Variants in EPHB4 observed in about 807,000 individuals in gnomAD.
EPHB4 encodes EPH receptor B4, also known as ephrin type-B receptor 4.
In EPHB4, 50 loss-of-function variants were observed where a neutral mutation model predicts 110.6. The observed-to-expected ratio is 0.45, with a 90% CI of 0.36 to 0.57. EPHB4 has a LOEUF of 0.57. Among genes scored for constraint, EPHB4 ranks in the 20% least tolerant of loss-of-function variants. The pLI is 0.00. For synonymous variants in EPHB4, 592 were observed against 578.4 expected (o/e 1.02, Z -0.34); for missense variants, 1,128 against 1,382.1 (o/e 0.82, Z 2.91).
chr7:100,822,491 C>A lies in EPHB4; in HGVS notation c.588G>T (p.Lys196Asn). 6.2e-7 allele frequency: 1 copy of A among 1,613,186 alleles called. No individual in the cohort carries two copies. The highest frequency in any genetic ancestry group is 1.7e-4 in the Middle Eastern group (1 of 6,060). ...ALLSLHLFYK[K>N]CAQLTVNLTR... ...TCAGGTTCACAGTCAGCTGGGCGCA[C>A]TTTTTGTAGAAGAGGTGCAGGGATA... Residue 196 changes from lysine (K) to asparagine (N), a missense_variant, in exon 4 of 17, where the codon AAG (lysine) becomes AAT (asparagine). Physicochemically the swap from Lys to Asn is moderately conservative, Grantham distance 94 (BLOSUM62 0). This residue lies in a region of EPHB4 where 728 missense variants were observed against 828.6 expected (regional missense o/e 0.88). Coordinates refer to ENST00000358173, the MANE Select transcript of EPHB4 (RefSeq NM_004444.5). This position sits in a 1 kb window ranked among gnomAD's most constrained non-coding sequence, Gnocchi z 4.7.
chr7:100,807,615 C>G, intron 12 of EPHB4, 35 bp from the exon 13 acceptor site: 1 of 1,587,928 alleles, frequency 6.3e-7, no homozygotes, highest in Non-Finnish European at 8.6e-7. Context: ...TTGGTGAGGA[C>G]AGCCCACCCA....
intron 16 of EPHB4, among the ~76,000 whole-genome samples, chr7:100,804,722 G>C (rs1389242939): frequency 5.3e-5 from 8 of 152,096 alleles, no homozygotes; most frequent in Non-Finnish European, 1.2e-4. Context: ...AGGCCAAGTG[G>C]GGATACGCAG....
rs141303000 is a variant in EPHB4, at chr7:100,811,422, C to T, written c.2118+1325G>A. ...TGATTTGTTTACTTTTTTAAAAAGC[C>T]TGTCTATTTACTTGCTAATTTTCAG... On this transcript the variant is annotated intron_variant, in intron 12 of 16. Transcript: ENST00000358173. Among the ~76,000 whole-genome samples the T allele has an allele frequency of 7.6e-3, 1,156 of 152,108 alleles. 16 individuals are homozygous for T. The highest frequency in any genetic ancestry group is 0.026 in the African/African-American group (1,077 of 41,502).
At chr7:100,814,253 G>T (rs3890144) in intron 8 of EPHB4, among the ~76,000 whole-genome samples, 4 of 152,142 alleles carry the variant, frequency 2.6e-5, no homozygotes, top group Non-Finnish European at 5.9e-5. Flanking sequence ...AGGAAGTTTC[G>T]AAATCTTTTC....
intron 6 of EPHB4, among the ~76,000 whole-genome samples, chr7:100,818,887 G>A (rs314366): frequency 0.38 from 57,406 of 151,680 alleles, 13,131 homozygotes; most frequent in Middle Eastern, 0.67. Context: ...GTAGACATGG[G>A]GTTTCACCAC....
chr7:100,805,986 G>C, intron 14 of EPHB4: 1 of 343,010 alleles, frequency 2.9e-6, no homozygotes, highest in Non-Finnish European at 5.2e-6. Context: ...TTAAGACAGA[G>C]TCTCGCTCAG....
At chr7:100,813,785 G>A (rs1562969681) in intron 9 of EPHB4, 69 bp from the exon 10 acceptor site, 1 of 1,609,234 alleles carries the variant, frequency 6.2e-7, no homozygotes, top group Non-Finnish European at 8.5e-7. Context: ...ACACACCAAA[G>A]GAAGGAGCAG....
At position 100,822,961 on chromosome 7, in the gene EPHB4, G is replaced by T. The variant is rs73413170; in HGVS notation, c.412-294C>A. On this transcript the variant is annotated intron_variant, in intron 3 of 16. Coordinates refer to ENST00000358173, the MANE Select transcript of EPHB4 (RefSeq NM_004444.5). This position sits in a 1 kb window ranked among gnomAD's most constrained non-coding sequence, Gnocchi z 4.7. ...CAGGCCTTGACCTCAGAGTCAAGGA[G>T]ACAGCGATGAATGAATCCTGGGGAA... Among the ~76,000 whole-genome samples the T allele has an allele frequency of 0.026, 3,946 of 152,206 alleles. 161 individuals are homozygous for T. The highest frequency in any genetic ancestry group is 0.089 in the African/African-American group (3,677 of 41,498).
At chr7:100,823,130 A>G (rs559412453) in intron 3 of EPHB4, among the ~76,000 whole-genome samples, 1 of 152,268 alleles carries the variant, frequency 6.6e-6, no homozygotes, top group East Asian at 1.9e-4. Flanking sequence ...AAAAATATAG[A>G]TATAAAAGAA....
chr7:100,826,907 C>A lies in EPHB4; in HGVS notation c.52+72G>T, dbSNP rs1584670392. The A allele has an allele frequency of 2.6e-6, 4 of 1,517,564 alleles. No individual in the cohort carries two copies. In the East Asian group the frequency reaches 7.7e-5, roughly 29 times the overall value. The allele number at this position is 1,517,564 out of a possible 1,614,324, so 94.0% of individuals were successfully genotyped here. A position where few individuals can be genotyped will look rare whatever the true frequency, so the allele number is the denominator to read the frequency against. ...GGGTAGTCAGAGGCCGGCCCCTCCA[C>A]TCCGAGGCCCAGATGTTGGGGGGGA... On this transcript the variant is annotated intron_variant, in intron 1 of 16. Transcript: ENST00000358173.
chr7:100,814,146 G>A (rs910662902), intron 8 of EPHB4, 125 bp from the exon 9 acceptor site: 2 of 1,031,074 alleles, frequency 1.9e-6, no homozygotes, highest in East Asian at 2.6e-5. Context: ...CAGGTGGAGG[G>A]AGAGGACACA....
In EPHB4 at chr7:100,827,066, T is replaced by C. The variant is rs1813425758; in HGVS notation, c.-36A>G. 5.1e-6 allele frequency: 8 copies of C among 1,558,356 alleles called. No individual in the cohort carries two copies. The highest frequency in any genetic ancestry group is 1.7e-4 in the Middle Eastern group (1 of 5,940). On this transcript the variant is annotated 5_prime_UTR_variant, in exon 1 of 17. Transcript: ENST00000358173. ...CACTCGGGTAGGATCCGAACTGAGTTTGGGGGGCCCTCGCCCCCCCAGGTC... is the reference window on the plus strand; with the variant it reads ...CACTCGGGTAGGATCCGAACTGAGTCTGGGGGGCCCTCGCCCCCCCAGGTC...
At chr7:100,823,955 A>G (rs1408190718) in intron 2 of EPHB4, 24 bp from the exon 3 acceptor site, 2 of 1,556,342 alleles carry the variant, frequency 1.3e-6, no homozygotes, top group Non-Finnish European at 1.7e-6. Flanking sequence ...GAGGTCAGCA[A>G]GGGGGCTGGG....
intron 1 of EPHB4, 28 bp downstream of exon 1, chr7:100,826,951 G>A: frequency 6.6e-7 from 1 of 1,521,262 alleles, no homozygotes; most frequent in South Asian, 1.2e-5. Flanking sequence ...GAGTGACGGG[G>A]TGCGCCCCCC....
At position 100,818,159 on chromosome 7, in the gene EPHB4, G is replaced by A. The variant is rs377300749; in HGVS notation, c.1422+361C>T. 5.1e-4 allele frequency among the ~76,000 whole-genome samples: 78 copies of A among 151,776 alleles called. 1 individual carries two copies. Among genetic ancestry groups the A allele is most frequent in the Middle Eastern group, 3.4e-3 (1 of 294 alleles). Reference sequence around the variant, plus strand: ...TGGGATTACAGGCGTAAGCTACCGCGCCCGGCCCATTTTAAGTTTTTTATA... The same window carrying A: ...TGGGATTACAGGCGTAAGCTACCGCACCCGGCCCATTTTAAGTTTTTTATA... On this transcript the variant is annotated intron_variant, in intron 7 of 16. Coordinates refer to ENST00000358173, the MANE Select transcript of EPHB4 (RefSeq NM_004444.5).
rs530459736 is a variant in EPHB4, at chr7:100,813,522, G to T, written c.1756+130C>A. On this transcript the variant is annotated intron_variant, in intron 10 of 16. Coordinates refer to ENST00000358173, the MANE Select transcript of EPHB4 (RefSeq NM_004444.5). ...ATAGAGATGGAGTTTCAACATGTTG[G>T]CCAGGCTGGTCTCGAACTCCTGACC... 4.3e-5 allele frequency: 40 copies of T among 932,686 alleles called. No individual in the cohort carries two copies. The African/African-American group carries it at 5.4e-4, about 13-fold the overall frequency. 57.8% of individuals were successfully genotyped at this position (932,686 alleles called of 1,614,324 possible).
At chr7:100,803,897 CCG>C (rs1812756349) in intron 16 of EPHB4, among the ~76,000 whole-genome samples, 2 of 151,838 alleles carry the variant, frequency 1.3e-5, no homozygotes, top group African/African-American at 2.4e-5. Flanking sequence ...GCACAGATTG[CCG>C]TAGAGGGAAA....
At chr7:100,807,873 TC>T (rs1812851105) in intron 12 of EPHB4, among the ~76,000 whole-genome samples, 1 of 151,920 alleles carries the variant, frequency 6.6e-6, no homozygotes, top group African/African-American at 2.4e-5. Flanking sequence ...AAGCGATCCT[TC>T]CGCCTGGGTC....
Position 100,817,519 on chromosome 7 carries a change from A to G in EPHB4, c.1423-162T>C, listed in dbSNP as rs139332430. Among the ~76,000 whole-genome samples the G allele has an allele frequency of 1.2e-4, 18 of 152,214 alleles. No homozygotes were observed. The East Asian group carries it at 2.1e-3, about 18-fold the overall frequency. ...ATGCAAGCCATGTGCTGTATTCATA[A>G]TATCATTCCTTTTTTTTAAGACAAG... On this transcript the variant is annotated intron_variant, in intron 7 of 16. Transcript: ENST00000358173.
Sources: allele counts gnomAD v4.1 joint callset (sites outside exome capture counted in the v4.1 genomes callset), GRCh38; gene constraint gnomAD v4.1.1; regional missense constraint gnomAD v4.1.1; non-coding constraint Gnocchi (gnomAD v3.1); transcripts MANE v1.5; gene names NCBI Gene and HGNC (gene_info 2026-07-23, HGNC 2026-07-21).